Variants in DPP6 observed in about 807,000 individuals in gnomAD.
DPP6 encodes the protein A-type potassium channel modulatory protein DPP6.
A neutral mutation model predicts 122.6 loss-of-function variants in DPP6; 69 were observed. That is an observed-to-expected ratio of 0.56 (90% CI 0.46 to 0.69). The LOEUF is 0.69. Among genes scored for constraint, DPP6 ranks in the 30% least tolerant of loss-of-function variants. DPP6 has a pLI of 0.00. For missense variants in DPP6, 928 were observed against 1,116.9 expected (o/e 0.83, Z 2.41); for synonymous variants, 418 against 433.1 (o/e 0.97, Z 0.43).
chr7:154,386,752 G>A (rs577135403), intron 1 of DPP6, among the ~76,000 whole-genome samples: 1 of 152,192 alleles, frequency 6.6e-6, no homozygotes, highest in African/African-American at 2.4e-5. Flanking sequence ...AAGCTGAGGA[G>A]AACAAAAGTA....
At chr7:154,745,649 G>A (rs1843004009) in intron 8 of DPP6, among the ~76,000 whole-genome samples, 3 of 152,210 alleles carry the variant, frequency 2.0e-5, no homozygotes, top group Admixed American at 6.5e-5. Context: ...TTAGCTTCTG[G>A]TGAGGCCTCA....
intron 6 of DPP6, among the ~76,000 whole-genome samples, chr7:154,659,720 A>G (rs10239424): frequency 0.86 from 130,676 of 152,192 alleles, 56,415 homozygotes; most frequent in East Asian, 0.98. Flanking sequence ...CCCCACGAGG[A>G]ACATCCTGGT....
intron 5 of DPP6, among the ~76,000 whole-genome samples, chr7:154,609,104 C>T (rs1246599767): frequency 3.3e-5 from 5 of 152,240 alleles, no homozygotes; most frequent in Non-Finnish European, 5.9e-5. Context: ...TTCGCCAAAA[C>T]TCAAATGTTC....
chr7:154,126,977 C>A (rs1807939160), intron 1 of DPP6, among the ~76,000 whole-genome samples: 1 of 152,160 alleles, frequency 6.6e-6, no homozygotes, highest in African/African-American at 2.4e-5. Context: ...CTCTTCCCAC[C>A]CCTTCCAGCT....
intron 1 of DPP6, among the ~76,000 whole-genome samples, chr7:153,942,267 T>A (rs374526633): frequency 6.6e-6 from 1 of 152,244 alleles, no homozygotes; most frequent in South Asian, 2.1e-4. Context: ...TTCCCAGGGC[T>A]GGATTTTGCC....
intron 3 of DPP6, among the ~76,000 whole-genome samples, chr7:154,494,406 A>G: frequency 6.7e-6 from 1 of 148,426 alleles, no homozygotes; most frequent in East Asian, 1.9e-4. Flanking sequence ...TATATAATAT[A>G]TGATAACATA....
chr7:153,853,440 C>T, the DPP6 span, among the ~76,000 whole-genome samples: 3 of 152,266 alleles, frequency 2.0e-5, no homozygotes, highest in African/African-American at 7.2e-5. Context: ...TTGGTTTACT[C>T]CCTTGAACTA....
intron 1 of DPP6, among the ~76,000 whole-genome samples, chr7:154,105,069 C>G (rs974040151): frequency 1.3e-5 from 2 of 152,198 alleles, no homozygotes; most frequent in African/African-American, 4.8e-5. Context: ...CAAGGCTGCA[C>G]TGAGCCATGA....
At chr7:153,793,589 C>T in the DPP6 span, among the ~76,000 whole-genome samples, 2 of 151,406 alleles carry the variant, frequency 1.3e-5, no homozygotes, top group African/African-American at 4.9e-5. Context: ...CACCTATTTT[C>T]TGCAAGCTGG....
intron 16 of DPP6, among the ~76,000 whole-genome samples, chr7:154,811,832 A>G (rs1482898030): frequency 1.3e-5 from 2 of 152,162 alleles, no homozygotes; most frequent in Admixed American, 6.5e-5. Context: ...TGACAAAAAT[A>G]ACGTCTCCAC....
intron 1 of DPP6, among the ~76,000 whole-genome samples, chr7:154,113,412 T>TATATATATACACACACACACACAC (rs1472172445): frequency 1.4e-4 from 20 of 141,772 alleles, no homozygotes; most frequent in African/African-American, 4.9e-4. Context: ...TATATATATA[T>TATATATATACACACACACACACAC]ACACACACAC....
chr7:154,612,486 C>T (rs1258691806), intron 5 of DPP6, among the ~76,000 whole-genome samples: 1 of 124,828 alleles, frequency 8.0e-6, no homozygotes, highest in African/African-American at 2.6e-5. Context: ...GTATCCATAG[C>T]GGGTTCCTTT....
intron 8 of DPP6, among the ~76,000 whole-genome samples, chr7:154,749,829 T>G (rs1087696): frequency 2.0e-3 from 149 of 72,922 alleles, no homozygotes; most frequent in East Asian, 2.7e-3. Context: ...ACTGTGAGAG[T>G]GTGAGGAAGC....
At chr7:154,383,745 C>G (rs1813833940) in intron 1 of DPP6, among the ~76,000 whole-genome samples, 1 of 151,900 alleles carries the variant, frequency 6.6e-6, no homozygotes, top group Admixed American at 6.6e-5. Context: ...CAAAAATTAG[C>G]CAGGCATGGT....
At chr7:154,098,748 G>A (rs1805520111) in intron 1 of DPP6, among the ~76,000 whole-genome samples, 1 of 151,686 alleles carries the variant, frequency 6.6e-6, no homozygotes. Context: ...AAGAGGAATG[G>A]CCCTATTGTG....
intron 13 of DPP6, among the ~76,000 whole-genome samples, chr7:154,802,031 C>T (rs1021297011): frequency 6.6e-5 from 10 of 152,052 alleles, no homozygotes; most frequent in Non-Finnish European, 1.0e-4. Flanking sequence ...GTAGACATCT[C>T]GGGGTCACCA....
At chr7:154,320,310 T>C (rs1807831131) in intron 1 of DPP6, among the ~76,000 whole-genome samples, 1 of 152,120 alleles carries the variant, frequency 6.6e-6, no homozygotes, top group Non-Finnish European at 1.5e-5. Flanking sequence ...GACTCTGGTG[T>C]CCAGAAGTTC....
intron 1 of DPP6, among the ~76,000 whole-genome samples, chr7:154,291,341 G>C (rs1805198900): frequency 1.3e-5 from 2 of 152,122 alleles, no homozygotes; most frequent in African/African-American, 4.8e-5. Context: ...AGTTATCTCT[G>C]AATAAAACTT....
At chr7:154,622,737 G>T (rs1834775324) in intron 5 of DPP6, among the ~76,000 whole-genome samples, 1 of 152,178 alleles carries the variant, frequency 6.6e-6, no homozygotes, top group African/African-American at 2.4e-5. Flanking sequence ...AAGCAGTACT[G>T]CAGGGATTAT....
Sources: gnomAD v4.1 joint callset for allele counts (sites outside exome capture counted in the v4.1 genomes callset) on GRCh38, gnomAD v4.1.1 for gene constraint, MANE v1.5 for transcripts, NCBI Gene and HGNC (gene_info 2026-07-23, HGNC 2026-07-21) for gene names.